Variants in COA1 observed in about 807,000 individuals in gnomAD.
COA1 encodes the protein cytochrome c oxidase assembly factor 1 homolog.
In COA1, 13 loss-of-function variants were observed where a neutral mutation model predicts 16.0. That is an observed-to-expected ratio of 0.81 (90% CI 0.53 to 1.29). The LOEUF is 1.29. Among genes scored for constraint, COA1 ranks in the 50% most tolerant of loss-of-function variants. COA1 has a pLI of 0.00. For synonymous variants in COA1, 65 were observed against 65.7 expected (o/e 0.99, Z 0.05); for missense variants, 179 against 177.0 (o/e 1.01, Z -0.06).
intron 1 of COA1, among the ~76,000 whole-genome samples, chr7:43,682,902 T>G (rs2093834119): frequency 6.6e-6 from 1 of 152,286 alleles, no homozygotes; most frequent in African/African-American, 2.4e-5. Context: ...CAGGCTGGAG[T>G]GCAATGGCAC....
chr7:43,683,724 G>A (rs1236397641), intron 1 of COA1, among the ~76,000 whole-genome samples: 1 of 152,116 alleles, frequency 6.6e-6, no homozygotes, highest in Non-Finnish European at 1.5e-5. Flanking sequence ...TGTTTTAAGT[G>A]CTTTACACAT....
chr7:43,664,407 G>A (rs2092739579), intron 1 of COA1, among the ~76,000 whole-genome samples: 1 of 152,166 alleles, frequency 6.6e-6, no homozygotes, highest in Non-Finnish European at 1.5e-5. Flanking sequence ...AATCTATGGT[G>A]TTTTAAATCA....
At chr7:43,627,310 T>C (rs1301665134) in intron 6 of COA1, among the ~76,000 whole-genome samples, 3 of 152,238 alleles carry the variant, frequency 2.0e-5, no homozygotes, top group African/African-American at 7.2e-5. Flanking sequence ...ATGCTCATTG[T>C]TGAATCTCTT....
chr7:43,728,580 C>T (rs1181587), intron 1 of COA1, among the ~76,000 whole-genome samples: 107,684 of 152,066 alleles, frequency 0.71, 38,619 homozygotes, highest in African/African-American at 0.84. Context: ...GACTGAAAAA[C>T]TCAGCAGAAT....
At chr7:43,611,583 T>C (rs998661542) in intron 6 of COA1, among the ~76,000 whole-genome samples, 1 of 152,146 alleles carries the variant, frequency 6.6e-6, no homozygotes, top group African/African-American at 2.4e-5. Context: ...AGTTCAAAGA[T>C]CCTTGCTGCA....
At chr7:43,691,407 G>C (rs1204446544) in intron 1 of COA1, among the ~76,000 whole-genome samples, 1 of 104,672 alleles carries the variant, frequency 9.6e-6, no homozygotes, top group Admixed American at 1.1e-4. Flanking sequence ...AAGGAAGGAA[G>C]GAAGGAAGAA....
downstream of COA1, among the ~76,000 whole-genome samples, chr7:43,638,046 A>AGAC (rs1284365487): frequency 2.6e-5 from 4 of 152,216 alleles, no homozygotes; most frequent in African/African-American, 4.8e-5. Flanking sequence ...TTATTTTAAA[A>AGAC]GACTGTAGAG....
chr7:43,725,233 C>A, intron 1 of COA1, among the ~76,000 whole-genome samples: 1 of 144,048 alleles, frequency 6.9e-6, no homozygotes. Context: ...AACGAAACTC[C>A]ATCTCAAAAA....
chr7:43,651,984 G>A (rs977570043), intron 1 of COA1, among the ~76,000 whole-genome samples: 5 of 152,192 alleles, frequency 3.3e-5, no homozygotes, highest in Non-Finnish European at 7.3e-5. Context: ...GCAACAGAGC[G>A]AGGCCCTGTT....
At chr7:43,719,332 C>T (rs1219140399) in intron 1 of COA1, among the ~76,000 whole-genome samples, 1 of 152,132 alleles carries the variant, frequency 6.6e-6, no homozygotes, top group Non-Finnish European at 1.5e-5. Context: ...AAACAAGAAA[C>T]TCAAGCACAG....
At chr7:43,688,458 T>C (rs1413113963) in intron 1 of COA1, among the ~76,000 whole-genome samples, 1 of 152,244 alleles carries the variant, frequency 6.6e-6, no homozygotes, top group Admixed American at 6.5e-5. Flanking sequence ...TTCTTCTGTA[T>C]TCCATAACTT....
At position 43,676,553 on chromosome 7, in the gene COA1, TAAGTAAA is replaced by T. The variant is rs372894032; in HGVS notation, c.-38-27908_-38-27902del. On this transcript the variant is annotated intron_variant, in intron 1 of 5. Coordinates refer to ENST00000223336, the MANE Select transcript of COA1 (RefSeq NM_018224.4). ...GAAGCTAAAAAAAGTTGATCTCATA[TAAGTAAA>T]AAGTAGAACAGAAGATTCTAGTGTT... is the stretch of plus-strand genomic sequence containing the variant. Among the ~76,000 whole-genome samples the T allele has an allele frequency of 4.1e-4, 63 of 152,252 alleles. No homozygotes were observed. In the East Asian group the frequency reaches 0.012, roughly 29 times the overall value.
intron 1 of COA1, among the ~76,000 whole-genome samples, chr7:43,653,881 C>T (rs548996852): frequency 3.0e-4 from 45 of 151,968 alleles, no homozygotes; most frequent in Non-Finnish European, 5.3e-4. Context: ...TGTAAAATGA[C>T]GGAAGATGCC....
At chr7:43,717,205 T>C (rs916771593) in intron 1 of COA1, among the ~76,000 whole-genome samples, 1 of 152,076 alleles carries the variant, frequency 6.6e-6, no homozygotes, top group Non-Finnish European at 1.5e-5. Flanking sequence ...GAATGGTAGA[T>C]CCACTGACAG....
intron 1 of COA1, among the ~76,000 whole-genome samples, chr7:43,686,746 T>C (rs982355551): frequency 3.9e-5 from 6 of 152,340 alleles, no homozygotes; most frequent in Admixed American, 2.6e-4. Flanking sequence ...AAGTGTTATA[T>C]TTATCTGTAC....
chr7:43,649,932 A>C (rs1358070630), intron 1 of COA1: 2 of 152,312 alleles, frequency 1.3e-5, no homozygotes, highest in African/African-American at 4.8e-5. Flanking sequence ...GCAGGGCATC[A>C]GCGGAGGTTT....
chr7:43,685,738 A>C (rs766295133), intron 1 of COA1, among the ~76,000 whole-genome samples: 1 of 152,178 alleles, frequency 6.6e-6, no homozygotes, highest in Non-Finnish European at 1.5e-5. Flanking sequence ...AAACTGTCTC[A>C]CCAAATTAAC....
intron 6 of COA1, chr7:43,619,771 C>T: frequency 6.3e-7 from 1 of 1,596,060 alleles, no homozygotes; most frequent in Non-Finnish European, 8.5e-7. Flanking sequence ...GCATCACCTT[C>T]ATTAGGGGAC....
chr7:43,667,810 A>G lies in COA1; in HGVS notation c.-38-19158T>C, dbSNP rs375048031. Among the ~76,000 whole-genome samples, 5 of 152,202 alleles carry G rather than the reference A, an allele frequency of 3.3e-5. No individual in the cohort carries two copies. In the East Asian group the frequency reaches 7.7e-4, roughly 23 times the overall value. ...CACCTTTTTGACTTTCGCTTGCAAT[A>G]TTGCTGATCCTTGTTTTGTTTTTCA... On this transcript the variant is annotated intron_variant, in intron 1 of 5. Transcript: ENST00000223336.
Sources: allele counts gnomAD v4.1 joint callset (sites outside exome capture counted in the v4.1 genomes callset), GRCh38; gene constraint gnomAD v4.1.1; transcripts MANE v1.5; gene names NCBI Gene and HGNC (gene_info 2026-07-23, HGNC 2026-07-21).